FES: variants seen among roughly 807,000 people sequenced by gnomAD.
FES encodes FES proto-oncogene, tyrosine kinase, also known as tyrosine-protein kinase Fes/Fps.
In FES, 83 loss-of-function variants were observed where a neutral mutation model predicts 109.6. The ratio of observed to expected loss-of-function variants is 0.76; its 90% CI spans 0.63 to 0.91. FES has a LOEUF of 0.91. FES is among the 40% of genes least tolerant of loss of function. The probability of loss-of-function intolerance (pLI) is 0.00; values close to 1 mark genes in which losing one functional copy is unlikely to be tolerated. For synonymous variants in FES, 458 were observed against 442.1 expected, an observed-to-expected ratio of 1.04 and a Z score of -0.45; for missense variants, 943 against 1,070.9, an observed-to-expected ratio of 0.88 and a Z score of 1.67.
chr15:90,887,520 A>G lies in FES; in HGVS notation c.668+150A>G, dbSNP rs960035488. The G allele has an allele frequency of 6.2e-5, 48 of 772,482 alleles. No homozygotes were observed. In the African/African-American group the frequency reaches 7.2e-4, roughly 12 times the overall value. The allele number at this position is 772,482 out of a possible 1,614,324, so 47.9% of individuals were successfully genotyped here. A position where few individuals can be genotyped will look rare whatever the true frequency, so the allele number is the denominator to read the frequency against. ...ACGGGACCTGGGCCAAGGATTGGAA[A>G]CAGGCAACTTACCTCTGAATTACAC... On this transcript the variant is annotated intron_variant, in intron 5 of 18. Coordinates refer to ENST00000328850, the MANE Select transcript of FES (RefSeq NM_002005.4).
chr15:90,884,898 C>G (rs1277518283), intron 1 of FES, 139 bp from the exon 2 acceptor site: 2 of 707,186 alleles, frequency 2.8e-6, no homozygotes, highest in Non-Finnish European at 4.8e-6. Context: ...GTACCCATGG[C>G]TGCGTGTGAG....
chr15:90,887,485 C>A (rs1263692299), intron 5 of FES, 115 bp downstream of exon 5: 4 of 1,151,362 alleles, frequency 3.5e-6, no homozygotes, highest in Non-Finnish European at 4.8e-6. Flanking sequence ...GGCCATGTAA[C>A]CACATGAGAA....
intron 5 of FES, among the ~76,000 whole-genome samples, chr15:90,888,002 G>A (rs1173949927): frequency 5.9e-5 from 9 of 152,220 alleles, no homozygotes; most frequent in African/African-American, 1.4e-4. Context: ...GGAGGCAGGC[G>A]TCAAGGGCTA....
chr15:90,892,204 C>G (rs1288059102), intron 13 of FES, 93 bp downstream of exon 13: 1 of 1,381,374 alleles, frequency 7.2e-7, no homozygotes, highest in East Asian at 2.3e-5. Context: ...CCTCCCTGCC[C>G]CATCTGATTC....
intron 14 of FES, 25 bp downstream of exon 14, chr15:90,892,850 A>G (rs769287726): frequency 2.9e-5 from 46 of 1,595,140 alleles, no homozygotes; most frequent in Non-Finnish European, 4.0e-5. Context: ...AATGATCACC[A>G]CGGGTCCCGC....
intron 13 of FES, 83 bp from the exon 14 acceptor site, chr15:90,892,624 G>C: frequency 7.1e-7 from 1 of 1,401,054 alleles, no homozygotes; most frequent in South Asian, 1.3e-5. Flanking sequence ...CCTCACCCAG[G>C]GGTAGGAAGC....
intron 18 of FES, among the ~76,000 whole-genome samples, chr15:90,895,040 G>A (rs982065838): frequency 1.3e-4 from 20 of 152,028 alleles, no homozygotes; most frequent in Admixed American, 8.5e-4. Flanking sequence ...GCATTCCAGC[G>A]TGGGTGACAG....
At chr15:90,894,908 A>G (rs1454745935) in intron 18 of FES, among the ~76,000 whole-genome samples, 1 of 152,128 alleles carries the variant, frequency 6.6e-6, no homozygotes, top group Non-Finnish European at 1.5e-5. Context: ...TCTACTAAAA[A>G]TACAAAAAAT....
chr15:90,892,112 G>T lies in FES; in HGVS notation c.1707+1G>T. On this transcript the variant is annotated splice_donor_variant, in intron 13 of 18. Transcript: ENST00000328850. LOFTEE classifies it high-confidence loss of function. Reference sequence around the variant, plus strand: ...GGTGTTGGGTGAGCAGATTGGACGGGTGAGTGCGCCTCTGCTGGCCTCCTT... The same window carrying T: ...GGTGTTGGGTGAGCAGATTGGACGGTTGAGTGCGCCTCTGCTGGCCTCCTT... 1.9e-6 allele frequency: 3 copies of T among 1,614,042 alleles called. No individual in the cohort carries two copies. Among genetic ancestry groups the T allele is most frequent in the Non-Finnish European group, 2.5e-6 (3 of 1,179,978 alleles).
Position 90,889,046 on chromosome 15 carries a change from C to A in FES, c.669-260C>A, listed in dbSNP as rs1484279790. Among the ~76,000 whole-genome samples, 2 of 152,182 alleles carry A rather than the reference C, an allele frequency of 1.3e-5. No individual in the cohort carries two copies. The highest frequency in any genetic ancestry group is 1.5e-5 in the Non-Finnish European group (1 of 68,038). ...TCAGGCAATCCACCCGCCTCGACCT[C>A]CCAGTGTTGGTATTATAGGCGTGAG... On this transcript the variant is annotated intron_variant, in intron 5 of 18. Coordinates refer to ENST00000328850, the MANE Select transcript of FES (RefSeq NM_002005.4). The surrounding 1 kb of genome is among the most constrained non-coding windows in gnomAD (Gnocchi z 6.1).
Position 90,887,469 on chromosome 15 carries a change from G to A in FES, c.668+99G>A, listed in dbSNP as rs528288914. 1.8e-5 allele frequency: 23 copies of A among 1,312,156 alleles called. No individual in the cohort carries two copies. In the South Asian group the frequency reaches 1.9e-4, roughly 11 times the overall value. 81.3% of individuals were successfully genotyped at this position (1,312,156 alleles called of 1,614,324 possible). On this transcript the variant is annotated intron_variant, in intron 5 of 18. Transcript: ENST00000328850. The stretch of plus-strand genomic sequence containing the variant: ...GACCCAGAAAATCCATTGCTGGGAA[G>A]GTGCTGGCCATGTAACCACATGAGA...
rs778899110 is a variant in FES, at chr15:90,889,293, G to A, written c.669-13G>A. On this transcript the variant is annotated splice_polypyrimidine_tract_variant and intron_variant, in intron 5 of 18. Coordinates refer to ENST00000328850, the MANE Select transcript of FES (RefSeq NM_002005.4). This position sits in a 1 kb window ranked among gnomAD's most constrained non-coding sequence, Gnocchi z 6.1. ...TGAGGCTCCCCTGACTGGGGATCCC[G>A]TCTCGGGGGCAGGAAGGAGATCCTG... 2.3e-5 allele frequency: 37 copies of A among 1,612,454 alleles called. 1 individual carries two copies. Among genetic ancestry groups the A allele is most frequent in the Middle Eastern group, 1.7e-4 (1 of 6,058 alleles).
chr15:90,894,387 C>A (rs1163321201), intron 18 of FES, among the ~76,000 whole-genome samples: 1 of 152,114 alleles, frequency 6.6e-6, no homozygotes, highest in Non-Finnish European at 1.5e-5. Flanking sequence ...GAGTTTGAGA[C>A]CAGCCAGACC....
rs576327466 is a variant in FES, at chr15:90,887,195, C to T, written c.493C>T (p.Arg165Cys). The change falls in exon 5 of 19, where the codon CGT becomes TGT. Residue 165 changes from arginine (R) to cysteine (C), a missense_variant. Physicochemically the swap from Arg to Cys is radical, Grantham distance 180. Coordinates refer to ENST00000328850, the MANE Select transcript of FES (RefSeq NM_002005.4). ...TGCCCCCCTTCTGGCAGACAAGGAC[C>T]GTGACAAGGCTAAGGACAAGTATGT... Reference protein sequence around the residue: ...KYQEASKDKDRDKAKDKYVRS... With the variant: ...KYQEASKDKDCDKAKDKYVRS... 20 of 1,612,974 alleles carry T rather than the reference C, an allele frequency of 1.2e-5. No homozygotes were observed. The highest frequency in any genetic ancestry group is 2.2e-5 in the East Asian group (1 of 44,864).
intron 13 of FES, 50 bp downstream of exon 13, chr15:90,892,161 C>T (rs776126069): frequency 1.6e-5 from 26 of 1,606,938 alleles, no homozygotes; most frequent in Middle Eastern, 1.6e-4. Flanking sequence ...TCTCCTGAGT[C>T]GCGCCTGGGC....
At chr15:90,891,406 T>A in intron 11 of FES, 148 bp from the exon 12 acceptor site, 1 of 1,155,302 alleles carries the variant, frequency 8.7e-7, no homozygotes, top group Non-Finnish European at 1.3e-6. Flanking sequence ...CAGGATGTCA[T>A]GTGCCATCAG....
chr15:90,890,926 C>A, intron 10 of FES, 56 bp from the exon 11 acceptor site: 1 of 1,506,338 alleles, frequency 6.6e-7, no homozygotes, highest in East Asian at 2.5e-5. Context: ...CGGCTGCCCC[C>A]ACGGCCTCTT....
chr15:90,895,627 C>T lies in FES; in HGVS notation c.*69C>T. 3.7e-6 allele frequency: 5 copies of T among 1,362,464 alleles called. No homozygotes were observed. The highest frequency in any genetic ancestry group is 5.3e-5 in the East Asian group (2 of 37,868). 84.4% of individuals were successfully genotyped at this position (1,362,464 alleles called of 1,614,324 possible). ...GTGCAGCTCCTCAGCGGCTCCAGCTCATATGCTGACAGCTCTTCACAGTCC... is the reference window on the plus strand; with the variant it reads ...GTGCAGCTCCTCAGCGGCTCCAGCTTATATGCTGACAGCTCTTCACAGTCC... On this transcript the variant is annotated 3_prime_UTR_variant, in exon 19 of 19. Coordinates refer to ENST00000328850, the MANE Select transcript of FES (RefSeq NM_002005.4).
chr15:90,895,346 A>G, intron 18 of FES, 70 bp from the exon 19 acceptor site: 1 of 1,328,890 alleles, frequency 7.5e-7, no homozygotes, highest in Non-Finnish European at 9.9e-7. Context: ...GGCTCATGGT[A>G]TCCCCCAGAG....
Sources: allele counts gnomAD v4.1 joint callset (sites outside exome capture counted in the v4.1 genomes callset), GRCh38; gene constraint gnomAD v4.1.1; non-coding constraint Gnocchi (gnomAD v3.1); transcripts MANE v1.5; gene names NCBI Gene and HGNC (gene_info 2026-07-23, HGNC 2026-07-21).